SLC35F3: variants seen among roughly 807,000 people sequenced by gnomAD.
The protein encoded by SLC35F3 is solute carrier family 35 member F3.
SLC35F3 carries 25 observed loss-of-function variants against 49.9 expected under a neutral mutation model. The observed-to-expected ratio is 0.50, with a 90% confidence interval of 0.37 to 0.70. The LOEUF is 0.70. Among genes scored for constraint, SLC35F3 ranks in the 30% least tolerant of loss-of-function variants. The pLI is 0.00. For synonymous variants in SLC35F3, 275 were observed against 265.4 expected (o/e 1.04, Z -0.35); for missense variants, 525 against 639.8 (o/e 0.82, Z 1.94).
intron 3 of SLC35F3, among the ~76,000 whole-genome samples, chr1:234,248,717 C>T (rs1345544410): frequency 1.3e-5 from 2 of 152,228 alleles, no homozygotes; most frequent in East Asian, 3.8e-4. Flanking sequence ...TTCAGATCCT[C>T]TTGATCAGAG....
chr1:234,318,977 A>G (rs1199245042), intron 6 of SLC35F3, 34 bp downstream of exon 6: 1 of 1,582,430 alleles, frequency 6.3e-7, no homozygotes, highest in South Asian at 1.1e-5. Context: ...AATTCCCAGA[A>G]AGCAACCACC....
At chr1:233,962,296 T>A (rs1255101528) in intron 2 of SLC35F3, among the ~76,000 whole-genome samples, 1 of 152,274 alleles carries the variant, frequency 6.6e-6, no homozygotes, top group Non-Finnish European at 1.5e-5. Context: ...TGTGATCTGA[T>A]TTTAAATAGT....
intron 2 of SLC35F3, among the ~76,000 whole-genome samples, chr1:233,983,510 G>A (rs546169173): frequency 2.4e-4 from 37 of 152,294 alleles, no homozygotes; most frequent in African/African-American, 7.5e-4. Flanking sequence ...AGTATAAAAC[G>A]TGAAAAATAT....
chr1:233,954,159 A>T (rs1337222716), intron 2 of SLC35F3, among the ~76,000 whole-genome samples: 1 of 152,162 alleles, frequency 6.6e-6, no homozygotes, highest in African/African-American at 2.4e-5. Context: ...GGCATGTGCC[A>T]CCGCACCTGG....
At chr1:234,260,242 C>T (rs1667882112) in intron 3 of SLC35F3, among the ~76,000 whole-genome samples, 1 of 152,182 alleles carries the variant, frequency 6.6e-6, no homozygotes, top group Non-Finnish European at 1.5e-5. Flanking sequence ...TGGTTAAATG[C>T]TGATCCCAAG....
chr1:234,112,392 C>T (rs1192459945), intron 2 of SLC35F3, among the ~76,000 whole-genome samples: 4 of 152,046 alleles, frequency 2.6e-5, no homozygotes, highest in African/African-American at 9.7e-5. Flanking sequence ...CACATACTTT[C>T]CCTATAACAA....
At chr1:234,128,109 A>T (rs1665676133) in intron 2 of SLC35F3, among the ~76,000 whole-genome samples, 2 of 152,204 alleles carry the variant, frequency 1.3e-5, no homozygotes, top group South Asian at 4.1e-4. Context: ...GCCGACAAAC[A>T]GGCATTAAGA....
intron 2 of SLC35F3, among the ~76,000 whole-genome samples, chr1:233,954,194 G>C (rs752882845): frequency 6.6e-6 from 1 of 152,190 alleles, no homozygotes; most frequent in Non-Finnish European, 1.5e-5. Context: ...TTTTAGTAGA[G>C]ATGATATTTC....
chr1:233,978,782 C>A (rs1347638053), intron 2 of SLC35F3, among the ~76,000 whole-genome samples: 1 of 152,122 alleles, frequency 6.6e-6, no homozygotes, highest in African/African-American at 2.4e-5. Flanking sequence ...GTAATCCCAG[C>A]ACTTTGGGAG....
At chr1:234,274,748 C>T (rs1251398049) in intron 3 of SLC35F3, among the ~76,000 whole-genome samples, 1 of 152,206 alleles carries the variant, frequency 6.6e-6, no homozygotes, top group Non-Finnish European at 1.5e-5. Context: ...TGCCCCTAGT[C>T]CTTGTCTATC....
At chr1:234,077,641 T>C (rs1329757305) in intron 2 of SLC35F3, among the ~76,000 whole-genome samples, 3 of 152,204 alleles carry the variant, frequency 2.0e-5, no homozygotes, top group Non-Finnish European at 2.9e-5. Context: ...AGTGTCATGC[T>C]GACTGGGAGG....
At chr1:234,155,395 G>GATGATGATGATGATGATT (rs113733876) in intron 2 of SLC35F3, among the ~76,000 whole-genome samples, 1 of 149,292 alleles carries the variant, frequency 6.7e-6, no homozygotes, top group South Asian at 2.1e-4. Context: ...CTATTCACCT[G>GATGATGATGATGATGATT]ATTATTATTA....
chr1:234,179,491 A>G (rs1666526357), intron 2 of SLC35F3, among the ~76,000 whole-genome samples: 1 of 152,166 alleles, frequency 6.6e-6, no homozygotes, highest in African/African-American at 2.4e-5. Context: ...CAATACACAT[A>G]AGGTATAGTG....
At chr1:234,194,014 C>T (rs1016974978) in intron 2 of SLC35F3, among the ~76,000 whole-genome samples, 4 of 152,136 alleles carry the variant, frequency 2.6e-5, no homozygotes, top group African/African-American at 9.7e-5. Flanking sequence ...TAAACTAGTA[C>T]AACCACTATG....
At position 234,194,495 on chromosome 1, in the gene SLC35F3, G is replaced by A. The variant is rs527289953; in HGVS notation, c.284-36922G>A. ...TAAAAGACTACAAATTGGGTTCAGC[G>A]TTTACTGCTCAGGTGATGCATGCAC... On this transcript the variant is annotated intron_variant, in intron 2 of 7. Coordinates refer to ENST00000366618, the MANE Select transcript of SLC35F3 (RefSeq NM_173508.4). 4.4e-4 allele frequency among the ~76,000 whole-genome samples: 67 copies of A among 152,140 alleles called. No individual in the cohort carries two copies. In the South Asian group the frequency reaches 9.3e-3, roughly 21 times the overall value.
chr1:234,312,303 G>A (rs987148648), intron 4 of SLC35F3, among the ~76,000 whole-genome samples: 1 of 152,144 alleles, frequency 6.6e-6, no homozygotes, highest in African/African-American at 2.4e-5. Context: ...GAGGGACGGG[G>A]GAAGGAGCCA....
At chr1:234,113,979 G>A (rs1572057115) in intron 2 of SLC35F3, among the ~76,000 whole-genome samples, 1 of 152,246 alleles carries the variant, frequency 6.6e-6, no homozygotes. Flanking sequence ...GCTGGTAAGA[G>A]TTTAACAATC....
At chr1:234,164,643 C>T (rs950439944) in intron 2 of SLC35F3, among the ~76,000 whole-genome samples, 1 of 152,080 alleles carries the variant, frequency 6.6e-6, no homozygotes, top group African/African-American at 2.4e-5. Context: ...TATGCAGGGT[C>T]ACCTACCTCC....
chr1:234,021,554 T>C (rs1008421753), intron 2 of SLC35F3, among the ~76,000 whole-genome samples: 1 of 152,230 alleles, frequency 6.6e-6, no homozygotes, highest in Non-Finnish European at 1.5e-5. Context: ...TCAGGCCTGA[T>C]TGTATTAATA....
Sources: allele counts gnomAD v4.1 joint callset (sites outside exome capture counted in the v4.1 genomes callset), GRCh38; gene constraint gnomAD v4.1.1; transcripts MANE v1.5; gene names NCBI Gene and HGNC (gene_info 2026-07-23, HGNC 2026-07-21).